Variants in KPNA3 observed in about 807,000 individuals in gnomAD.
KPNA3 encodes karyopherin subunit alpha 3.
KPNA3 carries 13 observed loss-of-function variants against 73.8 expected under a neutral mutation model. The observed-to-expected ratio is 0.18, with a 90% CI of 0.11 to 0.28. The LOEUF (loss-of-function observed/expected upper bound fraction) is 0.28. KPNA3 is among the 10% of genes least tolerant of loss of function. The probability of loss-of-function intolerance (pLI) is 1.00; values close to 1 mark genes in which losing one functional copy is unlikely to be tolerated. For missense variants in KPNA3, 360 were observed against 618.1 expected (o/e 0.58, Z 4.43); for synonymous variants, 186 against 206.9 (o/e 0.90, Z 0.87).
At chr13:49,760,983 G>C (rs997507045) in intron 1 of KPNA3, among the ~76,000 whole-genome samples, 1 of 152,078 alleles carries the variant, frequency 6.6e-6, no homozygotes, top group Admixed American at 6.5e-5. Flanking sequence ...TGGCAAGTGT[G>C]ATAATGGTAT....
intron 2 of KPNA3, among the ~76,000 whole-genome samples, chr13:49,742,113 T>C (rs903931296): frequency 6.6e-6 from 1 of 152,208 alleles, no homozygotes; most frequent in East Asian, 1.9e-4. Flanking sequence ...TGCATGTAGA[T>C]AGCCAGTTTT....
chr13:49,747,768 A>G (rs1362427181), intron 1 of KPNA3, among the ~76,000 whole-genome samples: 1 of 152,240 alleles, frequency 6.6e-6, no homozygotes, highest in Non-Finnish European at 1.5e-5. Flanking sequence ...CAATTAGTTA[A>G]AAAGCCAAAT....
At chr13:49,719,851 T>C in intron 9 of KPNA3, 32 bp from the exon 10 acceptor site, 1 of 1,379,306 alleles carries the variant, frequency 7.3e-7, no homozygotes, top group Non-Finnish European at 1.0e-6. Flanking sequence ...TACTTAACAT[T>C]AGTTAATTAA....
chr13:49,776,412 A>G (rs1435536304), intron 1 of KPNA3, among the ~76,000 whole-genome samples: 1 of 152,236 alleles, frequency 6.6e-6, no homozygotes, highest in Non-Finnish European at 1.5e-5. Flanking sequence ...TCCAGCCAAG[A>G]GAATTTATTC....
At chr13:49,721,416 A>C (rs908906938) in intron 9 of KPNA3, among the ~76,000 whole-genome samples, 1 of 152,160 alleles carries the variant, frequency 6.6e-6, no homozygotes, top group African/African-American at 2.4e-5. Flanking sequence ...CTTTTTATGC[A>C]GATAATCAAA....
intron 1 of KPNA3, among the ~76,000 whole-genome samples, chr13:49,752,713 T>A (rs956094901): frequency 6.6e-6 from 1 of 151,776 alleles, no homozygotes; most frequent in Admixed American, 6.6e-5. Context: ...AGAAAAAAAC[T>A]GTAATCAGAA....
In KPNA3 at chr13:49,701,478, T is replaced by C. The variant is rs1358962672; in HGVS notation, c.*322A>G. On this transcript the variant is annotated 3_prime_UTR_variant, in exon 17 of 17. Transcript: ENST00000261667. ...AAGGAGTATCAGTGGGCAGCTGACA[T>C]GTCACCACTATGGAATATTTATTCT... 1 of 489,098 alleles carries C rather than the reference T, an allele frequency of 2.0e-6. No homozygotes were observed. The highest frequency in any genetic ancestry group is 4.2e-6 in the Non-Finnish European group (1 of 239,158). The allele number at this position is 489,098 out of a possible 1,614,324, so 30.3% of individuals were successfully genotyped here. A position where few individuals can be genotyped will look rare whatever the true frequency, so the allele number is the denominator to read the frequency against.
rs567760110 is a variant in KPNA3, at chr13:49,792,550, G to T, written c.-44C>A. 3.6e-6 allele frequency: 5 copies of T among 1,386,534 alleles called. No individual in the cohort carries two copies. The highest frequency in any genetic ancestry group is 1.9e-5 in the Admixed American group (1 of 53,500). 85.9% of individuals were successfully genotyped at this position (1,386,534 alleles called of 1,614,324 possible). A position where few individuals can be genotyped will look rare whatever the true frequency, so the allele number is the denominator to read the frequency against. ...CGGCGGCTACTCCTGCGGCTGCGGC[G>T]GCGGCGGCGGCGAATCTTGGAGCGG... On this transcript the variant is annotated 5_prime_UTR_variant, in exon 1 of 17. Transcript: ENST00000261667.
chr13:49,731,710 ATT>A (rs959351841), intron 6 of KPNA3, among the ~76,000 whole-genome samples: 11 of 152,230 alleles, frequency 7.2e-5, no homozygotes, highest in African/African-American at 2.7e-4. Flanking sequence ...TCAAACTTAT[ATT>A]CTCCCCAGTT....
intron 1 of KPNA3, among the ~76,000 whole-genome samples, chr13:49,765,125 T>C (rs999319562): frequency 6.6e-6 from 1 of 152,224 alleles, no homozygotes; most frequent in African/African-American, 2.4e-5. Flanking sequence ...GGTTATCATA[T>C]ATATCTCCAT....
At chr13:49,774,534 C>G (rs1178340061) in intron 1 of KPNA3, among the ~76,000 whole-genome samples, 1 of 152,172 alleles carries the variant, frequency 6.6e-6, no homozygotes, top group Non-Finnish European at 1.5e-5. Context: ...CTAAGCAGAT[C>G]TGCCCAACAT....
intron 1 of KPNA3, among the ~76,000 whole-genome samples, chr13:49,764,567 C>A (rs1954794236): frequency 6.6e-6 from 1 of 152,070 alleles, no homozygotes; most frequent in South Asian, 2.1e-4. Context: ...AAATCTCCTC[C>A]CCAATCCCAA....
intron 1 of KPNA3, among the ~76,000 whole-genome samples, chr13:49,760,360 A>G (rs1954748690): frequency 6.6e-6 from 1 of 150,416 alleles, no homozygotes; most frequent in South Asian, 2.1e-4. Flanking sequence ...GGTTGCAGTG[A>G]GCCAAGATCA....
intron 11 of KPNA3, among the ~76,000 whole-genome samples, chr13:49,710,032 C>CG (rs1411320330): frequency 2.0e-5 from 3 of 151,860 alleles, no homozygotes; most frequent in South Asian, 2.1e-4. Context: ...GAGGCCGAGG[C>CG]GGGGGGGATC....
Position 49,710,219 on chromosome 13 carries a change from G to T in KPNA3, c.904-519C>A, listed in dbSNP as rs141813002. Among the ~76,000 whole-genome samples, 18 of 152,236 alleles carry T rather than the reference G, an allele frequency of 1.2e-4. No individual in the cohort carries two copies. In the East Asian group the frequency reaches 1.4e-3, roughly 11 times the overall value. On this transcript the variant is annotated intron_variant, in intron 11 of 16. Coordinates refer to ENST00000261667, the MANE Select transcript of KPNA3 (RefSeq NM_002267.4). ...AGAGGCTGCGGTGAGCAGAGATCGC[G>T]CCACCATACTCCAGCTTGGGCGACA...
At position 49,770,022 on chromosome 13, in the gene KPNA3, T is replaced by C. The variant is rs145570890; in HGVS notation, c.69+22416A>G. 5.6e-3 allele frequency among the ~76,000 whole-genome samples: 851 copies of C among 152,258 alleles called. 3 individuals are homozygous for C. The highest frequency in any genetic ancestry group is 8.3e-3 in the Non-Finnish European group (562 of 68,016). On this transcript the variant is annotated intron_variant, in intron 1 of 16. Transcript: ENST00000261667. ...ATCTTTTCATGTGTTTGTTGGTCAT[T>C]TGTATGCCTCCTTCAGGGAACTGTC...
At chr13:49,721,319 T>C (rs1954355427) in intron 9 of KPNA3, among the ~76,000 whole-genome samples, 1 of 152,224 alleles carries the variant, frequency 6.6e-6, no homozygotes, top group Non-Finnish European at 1.5e-5. Flanking sequence ...AACCCCCTTT[T>C]ATAGCTTTAA....
At chr13:49,790,842 T>C (rs965366490) in intron 1 of KPNA3, among the ~76,000 whole-genome samples, 3 of 152,276 alleles carry the variant, frequency 2.0e-5, no homozygotes, top group Admixed American at 6.5e-5. Flanking sequence ...AGAATGTTAC[T>C]GGTTTTTCTG....
At chr13:49,716,446 TA>T (rs1954304660) in intron 10 of KPNA3, among the ~76,000 whole-genome samples, 1 of 151,712 alleles carries the variant, frequency 6.6e-6, no homozygotes, top group African/African-American at 2.4e-5. Flanking sequence ...TTTATTTAAT[TA>T]TTTTTTTTTA....
Sources: gnomAD v4.1 joint callset for allele counts (sites outside exome capture counted in the v4.1 genomes callset) on GRCh38, gnomAD v4.1.1 for gene constraint, MANE v1.5 for transcripts, NCBI Gene and HGNC (gene_info 2026-07-23, HGNC 2026-07-21) for gene names.